IGFL2: variants seen among roughly 807,000 people sequenced by gnomAD.
IGFL2 encodes the protein insulin growth factor-like family member 2.
A neutral mutation model predicts 13.9 loss-of-function variants in IGFL2; 7 were observed. The observed-to-expected ratio is 0.51, with a 90% confidence interval of 0.29 to 0.95. The LOEUF (loss-of-function observed/expected upper bound fraction) is 0.95. Among genes scored for constraint, IGFL2 ranks in the 40% least tolerant of loss-of-function variants. IGFL2 has a pLI of 0.08. For synonymous variants in IGFL2, 55 were observed against 55.8 expected (o/e 0.99, Z 0.07); for missense variants, 138 against 147.8 (o/e 0.93, Z 0.34).
At chr19:46,140,485 G>T (rs972127099), upstream of IGFL2, among the ~76,000 whole-genome samples, 1 of 152,110 alleles carries the variant, frequency 6.6e-6, no homozygotes, top group Non-Finnish European at 1.5e-5. Context: ...CAAGTCTAAC[G>T]TAGGCAACAT....
chr19:46,101,634 G>A, the IGFL2 span, among the ~76,000 whole-genome samples: 4 of 152,240 alleles, frequency 2.6e-5, no homozygotes, highest in African/African-American at 4.8e-5. Context: ...CCCAGTGGGG[G>A]TTCAGCCTTT....
chr19:46,103,958 G>A, the IGFL2 span, among the ~76,000 whole-genome samples: 17 of 152,228 alleles, frequency 1.1e-4, no homozygotes, highest in East Asian at 2.1e-3. Context: ...TCCTGCAGGC[G>A]GACAGCAGTT....
chr19:46,174,297 A>G, the IGFL2 span, among the ~76,000 whole-genome samples: 3 of 152,178 alleles, frequency 2.0e-5, no homozygotes, highest in African/African-American at 7.2e-5. Context: ...GTGACAGCAG[A>G]GCATAAAACC....
chr19:46,085,107 A>G, the IGFL2 span, among the ~76,000 whole-genome samples: 1 of 152,228 alleles, frequency 6.6e-6, no homozygotes, highest in South Asian at 2.1e-4. Context: ...GAAAGGGGCT[A>G]CAGGCCCCAA....
the IGFL2 span, among the ~76,000 whole-genome samples, chr19:46,130,618 A>G: frequency 6.6e-6 from 1 of 152,188 alleles, no homozygotes; most frequent in Admixed American, 6.5e-5. Context: ...AGAGGAATTT[A>G]TTATCTTTGG....
chr19:46,092,316 C>T, the IGFL2 span, among the ~76,000 whole-genome samples: 1 of 152,024 alleles, frequency 6.6e-6, no homozygotes, highest in Non-Finnish European at 1.5e-5. Context: ...CACAGCACCA[C>T]TCCTGGCTAA....
chr19:46,178,590 C>G, the IGFL2 span, among the ~76,000 whole-genome samples: 3 of 152,182 alleles, frequency 2.0e-5, no homozygotes, highest in African/African-American at 7.2e-5. Context: ...CATCTATTCT[C>G]TCTGAAGCCT....
the IGFL2 span, among the ~76,000 whole-genome samples, chr19:46,187,510 T>C: frequency 7.3e-6 from 1 of 136,646 alleles, no homozygotes; most frequent in African/African-American, 2.9e-5. Context: ...TGCTGGTGTG[T>C]GCTACCTGAT....
At chr19:46,198,878 A>T in the IGFL2 span, among the ~76,000 whole-genome samples, 1 of 152,328 alleles carries the variant, frequency 6.6e-6, no homozygotes, top group South Asian at 2.1e-4. Context: ...TTGAGGCCAG[A>T]TGGAACTAAC....
chr19:46,142,722 C>T (rs1224779389), upstream of IGFL2, among the ~76,000 whole-genome samples: 1 of 152,200 alleles, frequency 6.6e-6, no homozygotes, highest in Non-Finnish European at 1.5e-5. Flanking sequence ...ATGAGAGATA[C>T]TGCTCTGTAT....
chr19:46,201,117 G>A, the IGFL2 span, among the ~76,000 whole-genome samples: 1 of 152,192 alleles, frequency 6.6e-6, no homozygotes, highest in Non-Finnish European at 1.5e-5. Flanking sequence ...AGGAGAACAC[G>A]CTGTCCCCTC....
the IGFL2 span, among the ~76,000 whole-genome samples, chr19:46,172,137 T>A: frequency 6.6e-6 from 1 of 152,330 alleles, no homozygotes; most frequent in East Asian, 1.9e-4. Flanking sequence ...TGGAAGCCAT[T>A]AACCTGGATG....
In IGFL2 at chr19:46,160,458, G is replaced by A; in HGVS notation, c.63G>A (p.Arg21=). Reference sequence around the variant, plus strand: ...TCTGTCTCCTCCTCTTGTGTCCAAGGGAAGTCATCGGTGAGTACAAGGATG... The same window carrying A: ...TCTGTCTCCTCCTCTTGTGTCCAAGAGAAGTCATCGGTGAGTACAAGGATG... ...VSVCLLLLCP[R]EVIAPAGSEP... is the part of the protein sequence containing the mutation. Residue 21 remains arginine, a synonymous_variant, in exon 2 of 4, where the codon AGG becomes AGA. Transcript: ENST00000377693. 6.2e-7 allele frequency: 1 copy of A among 1,613,810 alleles called. No individual in the cohort carries two copies. The highest frequency in any genetic ancestry group is 1.3e-5 in the African/African-American group (1 of 75,030).
chr19:46,180,112 C>T, the IGFL2 span, among the ~76,000 whole-genome samples: 2 of 152,126 alleles, frequency 1.3e-5, no homozygotes, highest in East Asian at 3.9e-4. Flanking sequence ...CTAGCCCTAA[C>T]TCCATCTTGA....
the IGFL2 span, among the ~76,000 whole-genome samples, chr19:46,117,775 G>A: frequency 1.3e-5 from 2 of 152,080 alleles, no homozygotes; most frequent in African/African-American, 2.4e-5. Flanking sequence ...CACCGCGCCC[G>A]GACTACCATC....
the IGFL2 span, among the ~76,000 whole-genome samples, chr19:46,121,509 AGAG>A: frequency 6.6e-6 from 1 of 150,500 alleles, no homozygotes; most frequent in Non-Finnish European, 1.5e-5. Flanking sequence ...CAGCCCACTG[AGAG>A]GAGTAGTATT....
At chr19:46,126,642 T>C in the IGFL2 span, among the ~76,000 whole-genome samples, 1 of 152,214 alleles carries the variant, frequency 6.6e-6, no homozygotes, top group African/African-American at 2.4e-5. Flanking sequence ...GAGCATGTGC[T>C]TCATTAACAG....
chr19:46,123,926 A>C, the IGFL2 span: 1 of 1,611,332 alleles, frequency 6.2e-7, no homozygotes, highest in African/African-American at 1.4e-5. Flanking sequence ...TGACACTGAG[A>C]CTTCATACCC....
the IGFL2 span, among the ~76,000 whole-genome samples, chr19:46,135,471 C>A: frequency 6.6e-6 from 1 of 152,100 alleles, no homozygotes; most frequent in Non-Finnish European, 1.5e-5. Flanking sequence ...ACCATCCGAA[C>A]CATCCCCTTT....
Sources: allele counts gnomAD v4.1 joint callset (sites outside exome capture counted in the v4.1 genomes callset), GRCh38; gene constraint gnomAD v4.1.1; transcripts MANE v1.5; gene names NCBI Gene and HGNC (gene_info 2026-07-23, HGNC 2026-07-21).